The following MAPK12 variants were observed in gnomAD, a reference collection of about 807,000 sequenced individuals.
The protein encoded by MAPK12 is MAP kinase 12.
Under a neutral mutation model 49.1 loss-of-function variants are expected in MAPK12, and 49 were observed. The ratio of observed to expected loss-of-function variants is 1.00; its 90% confidence interval spans 0.79 to 1.27. The LOEUF (loss-of-function observed/expected upper bound fraction) is 1.27. Among genes scored for constraint, MAPK12 ranks in the 50% most tolerant of loss-of-function variants. The pLI is 0.00. For missense variants in MAPK12, 554 were observed against 502.4 expected, an observed-to-expected ratio of 1.10 and a Z score of -0.98; for synonymous variants, 251 against 209.7, an observed-to-expected ratio of 1.20 and a Z score of -1.70.
In MAPK12 at chr22:50,258,429, G is replaced by T. The variant is rs1052589192; in HGVS notation, c.256-128C>A. 7.3e-6 allele frequency: 6 copies of T among 819,218 alleles called. No individual in the cohort carries two copies. The East Asian group carries it at 1.3e-4, about 18-fold the overall frequency. The allele number at this position is 819,218 out of a possible 1,614,324, so 50.7% of individuals were successfully genotyped here. ...TCATTGTCATGCCCCACTGTCCAAA[G>T]GGCCTGGCTCTGCCCACTGGCAGTG... On this transcript the variant is annotated intron_variant, in intron 2 of 11. Coordinates refer to ENST00000215659, the MANE Select transcript of MAPK12 (RefSeq NM_002969.6).
chr22:50,261,496 G>T lies in MAPK12; in HGVS notation c.14C>A (p.Pro5Gln). The T allele has an allele frequency of 8.0e-7, 1 of 1,246,826 alleles. No individual in the cohort carries two copies. The allele number at this position is 1,246,826 out of a possible 1,614,324, so 77.2% of individuals were successfully genotyped here. The change falls in exon 1 of 12, where the codon CCG (proline) becomes CAG (glutamine). Residue 5 changes from proline (P) to glutamine (Q), a missense_variant. Pro to Gln is a moderately conservative substitution (Grantham distance 76). Coordinates refer to ENST00000215659, the MANE Select transcript of MAPK12 (RefSeq NM_002969.6). Reference sequence around the variant, plus strand: ...GCGGTAAAAGCCACTGCGGGCGGGCGGCGGAGAGCTCATGGCAGGCCCGGG... The same window carrying T: ...GCGGTAAAAGCCACTGCGGGCGGGCTGCGGAGAGCTCATGGCAGGCCCGGG... The part of the protein sequence containing the change: MSSP[P>Q]PARSGFYRQE...
intron 10 of MAPK12, 39 bp from the exon 11 acceptor site, chr22:50,255,409 C>T (rs768187360): frequency 1.2e-6 from 2 of 1,612,780 alleles, no homozygotes; most frequent in South Asian, 2.2e-5. Context: ...CACGGGAGGC[C>T]CCACACTCCA....
At chr22:50,257,378 C>T (rs1344407770) in intron 3 of MAPK12, among the ~76,000 whole-genome samples, 185 bp from the exon 4 acceptor site, 2 of 152,178 alleles carry the variant, frequency 1.3e-5, no homozygotes, top group East Asian at 3.9e-4. Flanking sequence ...TGCCAGGCTC[C>T]ATCCTCCCGC....
chr22:50,260,482 G>A (rs903522134), intron 2 of MAPK12, among the ~76,000 whole-genome samples: 1 of 152,082 alleles, frequency 6.6e-6, no homozygotes, highest in Non-Finnish European at 1.5e-5. Context: ...GTTCTTAGCA[G>A]CCAGCCACCG....
chr22:50,256,818 C>T (rs1231829524), intron 5 of MAPK12, 117 bp downstream of exon 5: 21 of 1,522,762 alleles, frequency 1.4e-5, no homozygotes, highest in Non-Finnish European at 7.1e-6. Flanking sequence ...CCACCAGGGG[C>T]TGTGCATAGG....
At chr22:50,257,428 C>G in intron 3 of MAPK12, 1 of 575,836 alleles carries the variant, frequency 1.7e-6, no homozygotes, top group Non-Finnish European at 3.1e-6. Context: ...CCCTCCCACC[C>G]TGAGGACTGT....
intron 6 of MAPK12, 35 bp downstream of exon 6, chr22:50,256,564 C>T: frequency 6.2e-7 from 1 of 1,601,714 alleles, no homozygotes; most frequent in Non-Finnish European, 8.5e-7. Context: ...GGGGCCCCTG[C>T]CCCACCTCAG....
In MAPK12 at chr22:50,255,875, A is replaced by G; in HGVS notation, c.626T>C (p.Ile209Thr). The change falls in exon 8 of 12, where the codon ATC becomes ACC. Residue 209 changes from isoleucine to threonine, a missense_variant. Transcript: ENST00000215659. ...CGCCATGATGCAGCCCACAGACCAG[A>G]TGTCCACTGAGATAGAAGCCCTGGT... is the stretch of plus-strand genomic sequence containing the variant. ...NWMRYTQTVD[I>T]WSVGCIMAEM... 1.2e-6 allele frequency: 2 copies of G among 1,612,602 alleles called. No individual in the cohort carries two copies. The highest frequency in any genetic ancestry group is 1.7e-6 in the Non-Finnish European group (2 of 1,179,882).
chr22:50,261,466 T>C lies in MAPK12; in HGVS notation c.44A>G (p.Glu15Gly). The C allele has an allele frequency of 7.8e-7, 1 of 1,279,080 alleles. No individual in the cohort carries two copies. The highest frequency in any genetic ancestry group is 1.0e-6 in the Non-Finnish European group (1 of 989,546). The allele number at this position is 1,279,080 out of a possible 1,614,324, so 79.2% of individuals were successfully genotyped here. A position where few individuals can be genotyped will look rare whatever the true frequency, so the allele number is the denominator to read the frequency against. The change falls in exon 1 of 12, where the codon GAG (glutamate) becomes GGG (glycine). Residue 15 changes from glutamate to glycine, a missense_variant. Coordinates refer to ENST00000215659, the MANE Select transcript of MAPK12 (RefSeq NM_002969.6). ...PPARSGFYRQ[E>G]VTKTAWEVRA... ...CACCTCCCAGGCCGTCTTGGTCACC[T>C]CCTGGCGGTAAAAGCCACTGCGGGC... is the stretch of plus-strand genomic sequence containing the variant.
chr22:50,257,016 A>G (rs750005095), intron 4 of MAPK12, 52 bp from the exon 5 acceptor site: 2 of 1,602,210 alleles, frequency 1.2e-6, no homozygotes, highest in South Asian at 1.1e-5. Flanking sequence ...TCAGAGCCAC[A>G]GGGCCCTCCT....
rs753458500 is a variant in MAPK12 at position 50,257,001 on chromosome 22, C to A, written c.427-37G>T. On this transcript the variant is annotated intron_variant, in intron 4 of 11. Coordinates refer to ENST00000215659, the MANE Select transcript of MAPK12 (RefSeq NM_002969.6). ...AGAGGATTTGGCAGGCTTCAGCGCA[C>A]CCTCTCAGAGCCACAGGGCCCTCCT... 1.9e-6 allele frequency: 3 copies of A among 1,604,508 alleles called. No individual in the cohort carries two copies. The Admixed American group carries it at 5.0e-5, about 27-fold the overall frequency.
Position 50,253,452 on chromosome 22 carries a change from G to A in MAPK12, c.1053C>T (p.Phe351=), listed in dbSNP as rs1289343821. The A allele has an allele frequency of 7.7e-7, 1 of 1,306,190 alleles. No individual in the cohort carries two copies. Among genetic ancestry groups the A allele is most frequent in the Admixed American group, 2.4e-5 (1 of 41,704 alleles). The allele number at this position is 1,306,190 out of a possible 1,614,324, so 80.9% of individuals were successfully genotyped here. ...KRVTYKEVLS[F]KPPRQLGARV... ...TGGCCCCCAGCTGCCGGGGAGGCTT[G>A]AAGCTGAGCACCTCTTTGTAAGTAA... The change falls in exon 12 of 12, where the codon TTC becomes TTT. Residue 351 remains phenylalanine, a synonymous_variant. Coordinates refer to ENST00000215659, the MANE Select transcript of MAPK12 (RefSeq NM_002969.6).
intron 3 of MAPK12, chr22:50,257,939 G>A: frequency 1.3e-6 from 1 of 772,980 alleles, no homozygotes; most frequent in Non-Finnish European, 2.4e-6. Context: ...CCGAGCACGG[G>A]ACCTTCCTGT....
At position 50,257,126 on chromosome 22, in the gene MAPK12, C is replaced by T; in HGVS notation, c.382G>A (p.Asp128Asn). ...TGGTACACGAGGAACTGGATCCGGT[C>T]CTCGCCTAGCTTCTCATGTTTCATG... ...KLMKHEKLGE[D>N]RIQFLVYQML... is the part of the protein sequence containing the mutation. The change falls in exon 4 of 12, where the codon GAC becomes AAC. Residue 128 changes from aspartate (D) to asparagine (N), a missense_variant. Coordinates refer to ENST00000215659, the MANE Select transcript of MAPK12 (RefSeq NM_002969.6). 2 of 1,612,858 alleles carry T rather than the reference C, an allele frequency of 1.2e-6. No individual in the cohort carries two copies. The highest frequency in any genetic ancestry group is 1.3e-5 in the African/African-American group (1 of 75,042).
At chr22:50,256,912 G>T in intron 5 of MAPK12, 23 bp downstream of exon 5, 4 of 1,603,274 alleles carry the variant, frequency 2.5e-6, no homozygotes, top group Non-Finnish European at 2.5e-6. Flanking sequence ...GGGCTGATGA[G>T]CGGCTTCTCC....
At position 50,255,361 on chromosome 22, in the gene MAPK12, A is replaced by AG; in HGVS notation, c.859dup (p.Leu287ProfsTer34). 6.2e-7 allele frequency: 1 copy of AG among 1,613,190 alleles called. No individual in the cohort carries two copies. Among genetic ancestry groups the AG allele is most frequent in the South Asian group, 1.1e-5 (1 of 91,072 alleles). On this transcript the variant is annotated frameshift_variant, in exon 11 of 12. Coordinates refer to ENST00000215659, the MANE Select transcript of MAPK12 (RefSeq NM_002969.6). LOFTEE classifies it high-confidence loss of function. The stretch of plus-strand genomic sequence containing the variant: ...GTCCAGCACCAGCATCTTCTCCAGG[A>AG]GGTTCACAGCTGCGGGGGAAGGTGC...
chr22:50,256,995 A>G, intron 4 of MAPK12, 31 bp from the exon 5 acceptor site: 7 of 1,605,432 alleles, frequency 4.4e-6, no homozygotes, highest in Non-Finnish European at 5.1e-6. Flanking sequence ...GGCAGGCTTC[A>G]GCGCACCCTC....
At chr22:50,257,814 C>T in intron 3 of MAPK12, 1 of 717,032 alleles carries the variant, frequency 1.4e-6, no homozygotes, top group Non-Finnish European at 2.6e-6. Context: ...GGTGTGAGTC[C>T]CAGGGTGGTC....
chr22:50,261,504 GC>G lies in MAPK12; in HGVS notation c.5del (p.Ser2ThrfsTer15), dbSNP rs2147264527. On this transcript the variant is annotated frameshift_variant, in exon 1 of 12. Coordinates refer to ENST00000215659, the MANE Select transcript of MAPK12 (RefSeq NM_002969.6). LOFTEE classifies it high-confidence loss of function. MSSPPPARSGFY... is the reference protein window; with the variant it reads MXSPPPARSGFY... ...AGCCACTGCGGGCGGGCGGCGGAGA[GC>G]TCATGGCAGGCCCGGGAGCTGCCCA... is the stretch of plus-strand genomic sequence containing the variant. The G allele has an allele frequency of 1.6e-6, 2 of 1,220,128 alleles. No homozygotes were observed. Among genetic ancestry groups the G allele is most frequent in the South Asian group, 3.7e-5 (2 of 53,990 alleles). 75.6% of individuals were successfully genotyped at this position (1,220,128 alleles called of 1,614,324 possible).
Sources: allele counts gnomAD v4.1 joint callset (sites outside exome capture counted in the v4.1 genomes callset), GRCh38; gene constraint gnomAD v4.1.1; transcripts MANE v1.5; gene names NCBI Gene and HGNC (gene_info 2026-07-23, HGNC 2026-07-21).